The following RFX7 variants were observed in gnomAD, a reference collection of about 807,000 sequenced individuals.
RFX7 encodes the protein DNA-binding protein RFX7.
A neutral mutation model predicts 111.8 loss-of-function variants in RFX7; 26 were observed. That is an observed-to-expected ratio of 0.23 (90% CI 0.17 to 0.32). The LOEUF (loss-of-function observed/expected upper bound fraction) is 0.32, where lower values mean the gene tolerates loss of function less well. Among genes scored for constraint, RFX7 ranks in the 10% least tolerant of loss-of-function variants. The pLI is 1.00. For synonymous variants in RFX7, 624 were observed against 624.4 expected, an observed-to-expected ratio of 1.00 and a Z score of 0.01; for missense variants, 1,573 against 1,772.9, an observed-to-expected ratio of 0.89 and a Z score of 2.02.
intron 2 of RFX7, among the ~76,000 whole-genome samples, chr15:56,220,020 C>T (rs573795013): frequency 2.0e-5 from 3 of 152,244 alleles, no homozygotes; most frequent in African/African-American, 7.2e-5. Flanking sequence ...GACAGCCTTA[C>T]CAGCATCTTT....
chr15:56,142,413 G>A (rs543219561), intron 5 of RFX7, among the ~76,000 whole-genome samples: 44 of 151,124 alleles, frequency 2.9e-4, no homozygotes, highest in African/African-American at 1.0e-3. Flanking sequence ...TTTTAGTTTC[G>A]CCTTATGTAT....
chr15:56,140,121 C>T (rs1353855686), intron 5 of RFX7, among the ~76,000 whole-genome samples: 97 of 152,280 alleles, frequency 6.4e-4, no homozygotes, highest in South Asian at 1.9e-3. Context: ...AGGCAGGCCT[C>T]CTTGAGCTGT....
chr15:56,190,971 A>G (rs1402462603), intron 2 of RFX7, among the ~76,000 whole-genome samples: 1 of 152,238 alleles, frequency 6.6e-6, no homozygotes, highest in Non-Finnish European at 1.5e-5. Context: ...AGAAAGTTAA[A>G]AAGAGACATC....
At position 56,204,098 on chromosome 15, in the gene RFX7, G is replaced by T. The variant is rs114929014; in HGVS notation, c.162-24795C>A. ...TGCAGTGGCCCAATCGTGGCTCATT[G>T]TAACTTCTACCTCCCGGGTTCAGGT... On this transcript the variant is annotated intron_variant, in intron 2 of 9. Transcript: ENST00000559447. Among the ~76,000 whole-genome samples, 1,346 of 137,844 alleles carry T rather than the reference G, an allele frequency of 9.8e-3. 25 individuals are homozygous for T. The highest frequency in any genetic ancestry group is 0.035 in the African/African-American group (1,267 of 36,084). The allele number at this position is 137,844 out of a possible 152,430, so 90.4% of individuals were successfully genotyped here.
intron 2 of RFX7, among the ~76,000 whole-genome samples, chr15:56,231,670 A>G (rs1347005681): frequency 6.6e-6 from 1 of 152,044 alleles, no homozygotes; most frequent in Non-Finnish European, 1.5e-5. Flanking sequence ...TTCAAAACCA[A>G]TCATGCCTTC....
intron 5 of RFX7, among the ~76,000 whole-genome samples, chr15:56,110,191 A>C (rs1436399753): frequency 4.3e-5 from 4 of 93,348 alleles, no homozygotes; most frequent in East Asian, 3.5e-4. Flanking sequence ...AGGTGAGGGG[A>C]GCCTCTGCCT....
chr15:56,215,120 T>C (rs1479973350), intron 2 of RFX7, among the ~76,000 whole-genome samples: 1 of 152,234 alleles, frequency 6.6e-6, no homozygotes, highest in Non-Finnish European at 1.5e-5. Context: ...ATCTCTTTTA[T>C]CAAATGGCAC....
At chr15:56,238,000 G>T (rs2043644214) in intron 2 of RFX7, among the ~76,000 whole-genome samples, 2 of 152,190 alleles carry the variant, frequency 1.3e-5, no homozygotes, top group Non-Finnish European at 2.9e-5. Flanking sequence ...CAGCTGATGT[G>T]CTAGTCGGTC....
intron 2 of RFX7, among the ~76,000 whole-genome samples, chr15:56,189,571 A>C (rs1244187646): frequency 2.6e-5 from 4 of 152,234 alleles, no homozygotes; most frequent in Non-Finnish European, 4.4e-5. Flanking sequence ...TCAATTAATA[A>C]AGAGCAAACA....
intron 2 of RFX7, among the ~76,000 whole-genome samples, chr15:56,206,479 T>G (rs1253199373): frequency 6.6e-6 from 1 of 152,128 alleles, no homozygotes; most frequent in African/African-American, 2.4e-5. Flanking sequence ...AGATTCCATA[T>G]TATCCAGCAA....
At chr15:56,242,419 T>C (rs1475039565) in intron 2 of RFX7, among the ~76,000 whole-genome samples, 1 of 152,088 alleles carries the variant, frequency 6.6e-6, no homozygotes, top group African/African-American at 2.4e-5. Flanking sequence ...GAAAGTAAAA[T>C]AGCGAAAGAT....
Position 56,095,428 on chromosome 15 carries a change from A to G in RFX7, c.2300T>C (p.Leu767Ser). 1 of 1,613,022 alleles carries G rather than the reference A, an allele frequency of 6.2e-7. No homozygotes were observed. The highest frequency in any genetic ancestry group is 8.5e-7 in the Non-Finnish European group (1 of 1,179,874). The change falls in exon 10 of 10, where the codon TTG (leucine) becomes TCG (serine). Residue 767 changes from leucine to serine, a missense_variant. By Grantham distance (145) the Leu-to-Ser change is moderately radical. Transcript: ENST00000559447. ...GCCAACTGACTTTGAATCACTGTCCAAGAGAAAGACACTTCCTTCAAGTTT... is the reference window on the plus strand; with the variant it reads ...GCCAACTGACTTTGAATCACTGTCCGAGAGAAAGACACTTCCTTCAAGTTT... ...KVKLEGSVFL[L>S]DSDSKSVGSF...
chr15:56,209,211 G>C (rs755765320), intron 2 of RFX7, among the ~76,000 whole-genome samples: 24 of 151,590 alleles, frequency 1.6e-4, no homozygotes, highest in Non-Finnish European at 3.1e-4. Flanking sequence ...CTATACAGGA[G>C]CCAAGATAAG....
chr15:56,220,815 T>C (rs1349989770), intron 2 of RFX7, among the ~76,000 whole-genome samples: 1 of 152,230 alleles, frequency 6.6e-6, no homozygotes, highest in African/African-American at 2.4e-5. Flanking sequence ...TTTTAGGTTT[T>C]ACATGGAAGT....
chr15:56,174,532 A>G (rs1227808262), intron 3 of RFX7, among the ~76,000 whole-genome samples: 1 of 152,118 alleles, frequency 6.6e-6, no homozygotes, highest in Middle Eastern at 3.2e-3. Context: ...GCAGACCATG[A>G]GGTCAAGAGA....
intron 5 of RFX7, among the ~76,000 whole-genome samples, chr15:56,130,008 A>G (rs1479116068): frequency 1.3e-5 from 2 of 152,190 alleles, no homozygotes; most frequent in Non-Finnish European, 2.9e-5. Context: ...GCCTAAAATT[A>G]ATTTTATTGA....
chr15:56,197,706 G>A (rs1218248307), intron 2 of RFX7, among the ~76,000 whole-genome samples: 1 of 152,118 alleles, frequency 6.6e-6, no homozygotes, highest in Non-Finnish European at 1.5e-5. Context: ...GCAAAGTAGG[G>A]ATAGGAGTGT....
intron 2 of RFX7, among the ~76,000 whole-genome samples, chr15:56,234,064 T>C (rs1265757805): frequency 2.0e-5 from 3 of 152,228 alleles, no homozygotes; most frequent in Non-Finnish European, 4.4e-5. Context: ...TTTGGATTTA[T>C]AGCCCATCCC....
chr15:56,209,201 C>T (rs904414190), intron 2 of RFX7, among the ~76,000 whole-genome samples: 1 of 151,538 alleles, frequency 6.6e-6, no homozygotes, highest in Middle Eastern at 3.4e-3. Flanking sequence ...CATACCATAC[C>T]TATACAGGAG....
Sources: gnomAD v4.1 joint callset for allele counts (sites outside exome capture counted in the v4.1 genomes callset) on GRCh38, gnomAD v4.1.1 for gene constraint, MANE v1.5 for transcripts, NCBI Gene and HGNC (gene_info 2026-07-23, HGNC 2026-07-21) for gene names.